Variants in PDE1A observed in about 807,000 individuals in gnomAD.
PDE1A encodes the protein dual specificity calcium/calmodulin-dependent 3',5'-cyclic nucleotide phosphodiesterase 1A.
In PDE1A, 35 loss-of-function variants were observed where a neutral mutation model predicts 61.7. The ratio of observed to expected loss-of-function variants is 0.57; its 90% CI spans 0.43 to 0.75. The LOEUF (loss-of-function observed/expected upper bound fraction) is 0.75. Among genes scored for constraint, PDE1A ranks in the 30% least tolerant of loss-of-function variants. The pLI, the probability that PDE1A is intolerant of heterozygous loss-of-function variation, is 0.00. For synonymous variants in PDE1A, 232 were observed against 213.2 expected (o/e 1.09, Z -0.77); for missense variants, 597 against 630.6 (o/e 0.95, Z 0.57).
Position 182,197,504 on chromosome 2 carries a change from C to T in PDE1A, c.1125+3935G>A, listed in dbSNP as rs550368216. 1.0e-4 allele frequency among the ~76,000 whole-genome samples: 15 copies of T among 149,986 alleles called. No individual in the cohort carries two copies. The South Asian group carries it at 1.3e-3, about 13-fold the overall frequency. ...CCGAGATTAGAGAGATCTTCTCTTG[C>T]GTTTTCCTCTAAGATCTTTATAGTT... On this transcript the variant is annotated intron_variant, in intron 10 of 13. Transcript: ENST00000351439.
At chr2:182,468,925 A>G (rs1479132462) in intron 2 of PDE1A, among the ~76,000 whole-genome samples, 1 of 151,956 alleles carries the variant, frequency 6.6e-6, no homozygotes, top group Non-Finnish European at 1.5e-5. Context: ...CTTTTCTCTG[A>G]GCAGTAGGTC....
At chr2:182,170,616 G>A (rs1294961869) in intron 13 of PDE1A, among the ~76,000 whole-genome samples, 1 of 151,958 alleles carries the variant, frequency 6.6e-6, no homozygotes, top group Non-Finnish European at 1.5e-5. Context: ...TGTAATACAT[G>A]TATACACCTG....
intron 1 of PDE1A, among the ~76,000 whole-genome samples, chr2:182,358,305 C>T (rs1287554527): frequency 6.6e-6 from 1 of 152,120 alleles, no homozygotes; most frequent in African/African-American, 2.4e-5. Flanking sequence ...CCAATCACTA[C>T]TTCTTAAATT....
At chr2:182,370,666 G>A in intron 1 of PDE1A, among the ~76,000 whole-genome samples, 1 of 152,164 alleles carries the variant, frequency 6.6e-6, no homozygotes, top group East Asian at 1.9e-4. Context: ...GGTAGGAAGA[G>A]AAAGAAAGCC....
At chr2:182,206,163 C>T (rs1687084987) in intron 7 of PDE1A, 98 bp from the exon 8 acceptor site, 2 of 861,364 alleles carry the variant, frequency 2.3e-6, no homozygotes, top group East Asian at 2.6e-5. Flanking sequence ...GACCAGAAAA[C>T]ATCCTATAAT....
At chr2:182,238,777 G>A (rs1327323440) in intron 3 of PDE1A, among the ~76,000 whole-genome samples, 2 of 152,124 alleles carry the variant, frequency 1.3e-5, no homozygotes, top group African/African-American at 4.8e-5. Flanking sequence ...TACTAAATGT[G>A]TTTTATGTAA....
chr2:182,228,286 C>A (rs1689297162), intron 6 of PDE1A, among the ~76,000 whole-genome samples: 1 of 152,100 alleles, frequency 6.6e-6, no homozygotes, highest in African/African-American at 2.4e-5. Context: ...AACAGAAGGA[C>A]AATGGCTTAA....
upstream of PDE1A, among the ~76,000 whole-genome samples, chr2:182,526,613 T>C (rs1690777487): frequency 1.3e-5 from 2 of 152,204 alleles, no homozygotes; most frequent in Non-Finnish European, 2.9e-5. Context: ...ATTTTAACAA[T>C]GGAACTGCCA....
intron 1 of PDE1A, among the ~76,000 whole-genome samples, chr2:182,323,497 A>G (rs1559337070): frequency 6.6e-6 from 1 of 152,188 alleles, no homozygotes; most frequent in Admixed American, 6.5e-5. Context: ...GACAGACAAG[A>G]AAAAAATGAA....
chr2:182,175,197 A>G (rs1002786425), intron 13 of PDE1A, among the ~76,000 whole-genome samples: 1 of 152,188 alleles, frequency 6.6e-6, no homozygotes, highest in Non-Finnish European at 1.5e-5. Flanking sequence ...CAGTGCTGCA[A>G]TAAACATACG....
chr2:182,250,580 T>C (rs972372481), intron 2 of PDE1A, among the ~76,000 whole-genome samples: 3 of 152,186 alleles, frequency 2.0e-5, no homozygotes, highest in Non-Finnish European at 4.4e-5. Flanking sequence ...AAAAGTTTCC[T>C]GATAGATTTG....
intron 2 of PDE1A, among the ~76,000 whole-genome samples, chr2:182,513,842 G>A (rs182181646): frequency 6.6e-6 from 1 of 152,284 alleles, no homozygotes. Flanking sequence ...GATCAAAAAG[G>A]ACAAAGAAGG....
chr2:182,696,065 A>G, the PDE1A span, among the ~76,000 whole-genome samples: 7 of 152,182 alleles, frequency 4.6e-5, no homozygotes, highest in African/African-American at 9.7e-5. Flanking sequence ...GTTTCTTACA[A>G]AACTAGACAT....
chr2:182,153,014 TACA>T (rs1187006562), intron 13 of PDE1A, among the ~76,000 whole-genome samples: 12 of 152,220 alleles, frequency 7.9e-5, no homozygotes, highest in South Asian at 2.1e-4. Flanking sequence ...TTGAGGAAAA[TACA>T]ACAATTTACT....
At chr2:182,175,339 G>T (rs553025979) in intron 13 of PDE1A, among the ~76,000 whole-genome samples, 1 of 152,236 alleles carries the variant, frequency 6.6e-6, no homozygotes, top group East Asian at 1.9e-4. Context: ...ATCCTCTCCA[G>T]TATCTGTTAT....
At chr2:182,454,594 G>C (rs1024726463) in intron 2 of PDE1A, among the ~76,000 whole-genome samples, 4 of 151,762 alleles carry the variant, frequency 2.6e-5, no homozygotes, top group Non-Finnish European at 4.4e-5. Context: ...GAACAGAACA[G>C]AGCCCTCAGA....
chr2:182,193,287 G>A (rs547678273), intron 10 of PDE1A, among the ~76,000 whole-genome samples: 2 of 152,128 alleles, frequency 1.3e-5, no homozygotes, highest in Non-Finnish European at 2.9e-5. Context: ...CGCCTGGCCA[G>A]TTTTGTTTTG....
intron 7 of PDE1A, 92 bp downstream of exon 7, chr2:182,223,772 C>A (rs1688919593): frequency 1.4e-6 from 1 of 703,108 alleles, no homozygotes; most frequent in Non-Finnish European, 2.3e-6. Flanking sequence ...TTATTAGAAT[C>A]TTTATTATTT....
chr2:182,292,167 T>C (rs2125888679), intron 1 of PDE1A, among the ~76,000 whole-genome samples: 1 of 151,168 alleles, frequency 6.6e-6, no homozygotes, highest in South Asian at 2.1e-4. Flanking sequence ...GCTTCACAAG[T>C]GTTCTTTTTA....
Sources: gnomAD v4.1 joint callset for allele counts (sites outside exome capture counted in the v4.1 genomes callset) on GRCh38, gnomAD v4.1.1 for gene constraint, MANE v1.5 for transcripts, NCBI Gene and HGNC (gene_info 2026-07-23, HGNC 2026-07-21) for gene names.